The following MBNL1 variants were observed in gnomAD, a reference collection of about 807,000 sequenced individuals.
MBNL1 encodes the protein muscleblind-like protein 1.
Under a neutral mutation model 42.2 loss-of-function variants are expected in MBNL1, and 8 were observed. That is an observed-to-expected ratio of 0.19 (90% CI 0.11 to 0.34). The LOEUF is 0.34. MBNL1 is among the 10% of genes least tolerant of loss of function. MBNL1 has a pLI of 1.00. For synonymous variants in MBNL1, 169 were observed against 173.9 expected (o/e 0.97, Z 0.22); for missense variants, 309 against 495.3 (o/e 0.62, Z 3.57).
chr3:152,264,234 T>C (rs1210311320), upstream of MBNL1: 4 of 152,348 alleles, frequency 2.6e-5, no homozygotes, highest in East Asian at 7.7e-4. Context: ...TTCATTTCTG[T>C]AACCACAGTA....
intron 1 of MBNL1, among the ~76,000 whole-genome samples, chr3:152,294,344 T>C (rs1440738283): frequency 6.7e-6 from 1 of 148,300 alleles, no homozygotes; most frequent in East Asian, 2.0e-4. Context: ...AGTGCAGTGG[T>C]GTGATCTCGG....
At position 152,465,373 on chromosome 3, in the gene MBNL1, G is replaced by GTGAT. The variant is rs1335862494; in HGVS notation, c.*3010_*3013dup. The GTGAT allele has an allele frequency of 3.3e-5, 5 of 152,710 alleles. No homozygotes were observed. The highest frequency in any genetic ancestry group is 1.3e-4 in the Admixed American group (2 of 15,292). The allele number at this position is 152,710 out of a possible 1,614,324, so 9.5% of individuals were successfully genotyped here. On this transcript the variant is annotated 3_prime_UTR_variant, in exon 10 of 10. Transcript: ENST00000324210. ...AGCACACTGTAGCTATAGTTGTTAT[G>GTGAT]TGATTGTTTTTTAATTGCTGTAGGA...
intron 8 of MBNL1, chr3:152,458,958 T>C (rs1336173379): frequency 1.9e-5 from 3 of 160,434 alleles, no homozygotes; most frequent in African/African-American, 4.8e-5. Flanking sequence ...CGGGGGTGCG[T>C]GTGTGTGTGT....
At chr3:152,351,720 A>G (rs919937646) in intron 2 of MBNL1, among the ~76,000 whole-genome samples, 2 of 152,200 alleles carry the variant, frequency 1.3e-5, no homozygotes, top group East Asian at 1.9e-4. Context: ...ACAAGTTACT[A>G]TAAGCTGTAG....
In MBNL1 at chr3:152,434,196, C is replaced by T. The variant is rs577666566; in HGVS notation, c.549+1276C>T. Among the ~76,000 whole-genome samples the T allele has an allele frequency of 2.0e-5, 3 of 152,268 alleles. No individual in the cohort carries two copies. In the South Asian group the frequency reaches 6.2e-4, roughly 32 times the overall value. On this transcript the variant is annotated intron_variant, in intron 4 of 9. Coordinates refer to ENST00000324210, the MANE Select transcript of MBNL1 (RefSeq NM_021038.5). ...ATAGGTACTTTTTCTGATCCTCTCC[C>T]CTCTCCCACCATCCACCCTCAAATA...
At chr3:152,419,460 G>A (rs1481359780) in intron 3 of MBNL1, among the ~76,000 whole-genome samples, 1 of 152,102 alleles carries the variant, frequency 6.6e-6, no homozygotes, top group African/African-American at 2.4e-5. Flanking sequence ...ACCTCACCCT[G>A]GAAGTGCAAG....
intron 2 of MBNL1, among the ~76,000 whole-genome samples, chr3:152,319,957 G>T (rs1248689727): frequency 6.6e-6 from 1 of 151,760 alleles, no homozygotes; most frequent in Admixed American, 6.6e-5. Flanking sequence ...TCACTTTTTG[G>T]CATTTCCTTC....
At chr3:152,264,107 C>T (rs383278), upstream of MBNL1, 87,345 of 151,992 alleles carry the variant, frequency 0.57, 26,179 homozygotes, top group Middle Eastern at 0.66. Flanking sequence ...GCGCTTATCT[C>T]CATCTGAAAT....
At chr3:152,456,416 C>T in intron 8 of MBNL1, 55 bp downstream of exon 8, 1 of 1,397,282 alleles carries the variant, frequency 7.2e-7, no homozygotes, top group Non-Finnish European at 1.0e-6. Context: ...GGGCTCAATC[C>T]AACAGCCCTT....
At chr3:152,334,850 A>G (rs947310762) in intron 2 of MBNL1, among the ~76,000 whole-genome samples, 4 of 152,206 alleles carry the variant, frequency 2.6e-5, no homozygotes, top group African/African-American at 7.2e-5. Context: ...TTAGAATTTC[A>G]TAGTAACAGT....
intron 4 of MBNL1, among the ~76,000 whole-genome samples, chr3:152,444,188 C>T (rs529366345): frequency 7.2e-5 from 11 of 152,180 alleles, no homozygotes; most frequent in Admixed American, 1.3e-4. Flanking sequence ...AGTAAGAGCA[C>T]GAAAATATTA....
intron 3 of MBNL1, among the ~76,000 whole-genome samples, chr3:152,423,452 A>G (rs2098839289): frequency 6.6e-6 from 1 of 152,212 alleles, no homozygotes; most frequent in Non-Finnish European, 1.5e-5. Context: ...TAGCCTATCA[A>G]CCAGAAAAAG....
chr3:152,447,631 A>G lies in MBNL1; in HGVS notation c.819A>G (p.Gln273=), dbSNP rs764495008. The change falls in exon 6 of 10, where the codon CAA becomes CAG. Residue 273 remains glutamine (Q), a synonymous_variant. Transcript: ENST00000324210. ...AATAAAMGIP[Q]AVLPPLPKRP... ...CATTCACTAAACAGGGAATTCCTCA[A>G]GCTGTACTTCCCCCATTACCAAAGA... The G allele has an allele frequency of 3.1e-6, 5 of 1,613,218 alleles. No individual in the cohort carries two copies. Among genetic ancestry groups the G allele is most frequent in the Admixed American group, 1.7e-5 (1 of 59,974 alleles).
Position 152,447,607 on chromosome 3 carries a change from A to C in MBNL1, c.808-13A>C, listed in dbSNP as rs1359617612. ...TTACTGGTATTTGTTTTTTATACTC[A>C]TTCACTAAACAGGGAATTCCTCAAG... On this transcript the variant is annotated splice_polypyrimidine_tract_variant and intron_variant, in intron 5 of 9. Coordinates refer to ENST00000324210, the MANE Select transcript of MBNL1 (RefSeq NM_021038.5). 3 of 1,606,898 alleles carry C rather than the reference A, an allele frequency of 1.9e-6. No individual in the cohort carries two copies. The highest frequency in any genetic ancestry group is 2.5e-6 in the Non-Finnish European group (3 of 1,176,654).
At chr3:152,439,201 CA>C (rs879773130) in intron 4 of MBNL1, among the ~76,000 whole-genome samples, 2 of 152,114 alleles carry the variant, frequency 1.3e-5, no homozygotes, top group Non-Finnish European at 2.9e-5. Context: ...ATTACTTACA[CA>C]GAAGAATCTA....
chr3:152,366,929 AG>A (rs2096408286), intron 2 of MBNL1, among the ~76,000 whole-genome samples: 1 of 152,208 alleles, frequency 6.6e-6, no homozygotes. Context: ...TATGTACAAA[AG>A]AGAAAATAAT....
intron 2 of MBNL1, among the ~76,000 whole-genome samples, chr3:152,305,858 C>T (rs2062835891): frequency 1.3e-5 from 2 of 152,176 alleles, no homozygotes; most frequent in Non-Finnish European, 2.9e-5. Flanking sequence ...ATACAAATAT[C>T]ATCAAATGCA....
chr3:152,372,954 C>G (rs2096735877), intron 2 of MBNL1, among the ~76,000 whole-genome samples: 1 of 152,206 alleles, frequency 6.6e-6, no homozygotes, highest in Admixed American at 6.5e-5. Flanking sequence ...TATCTGTTAG[C>G]CCCTGACTGG....
intron 6 of MBNL1, among the ~76,000 whole-genome samples, chr3:152,450,653 C>T (rs1402922131): frequency 1.3e-5 from 2 of 152,174 alleles, no homozygotes; most frequent in Non-Finnish European, 1.5e-5. Flanking sequence ...ACTGCAAACC[C>T]TTTGTGGCTC....
Sources: gnomAD v4.1 joint callset for allele counts (sites outside exome capture counted in the v4.1 genomes callset) on GRCh38, gnomAD v4.1.1 for gene constraint, MANE v1.5 for transcripts, NCBI Gene and HGNC (gene_info 2026-07-23, HGNC 2026-07-21) for gene names.